KCNG2: variants seen among roughly 807,000 people sequenced by gnomAD.
KCNG2 encodes potassium voltage-gated channel modifier subfamily G member 2.
Under a neutral mutation model 12.3 loss-of-function variants are expected in KCNG2, and 7 were observed. That is an observed-to-expected ratio of 0.57 (90% CI 0.32 to 1.07). KCNG2 has a LOEUF of 1.07. KCNG2 is among the 50% of genes least tolerant of loss of function. The probability of loss-of-function intolerance (pLI) is 0.04; values close to 1 mark genes in which losing one functional copy is unlikely to be tolerated. For missense variants in KCNG2, 703 were observed against 726.0 expected, an observed-to-expected ratio of 0.97 and a Z score of 0.36; for synonymous variants, 414 against 351.4, an observed-to-expected ratio of 1.18 and a Z score of -1.99.
intron 1 of KCNG2, among the ~76,000 whole-genome samples, chr18:79,806,539 A>G (rs906341539): frequency 1.3e-5 from 2 of 151,542 alleles, no homozygotes; most frequent in African/African-American, 2.4e-5. Flanking sequence ...GCTTCAGTTA[A>G]CTCCAGCCAG....
chr18:79,894,747 T>C (rs371661301), intron 3 of KCNG2, among the ~76,000 whole-genome samples: 29 of 123,006 alleles, frequency 2.4e-4, no homozygotes, highest in African/African-American at 7.8e-4. Flanking sequence ...TCTAATGTTA[T>C]GATTGATATA....
intron 3 of KCNG2, among the ~76,000 whole-genome samples, chr18:79,897,315 A>G (rs757958424): frequency 2.0e-5 from 3 of 152,114 alleles, no homozygotes; most frequent in South Asian, 4.1e-4. Flanking sequence ...CATGTTTACT[A>G]ATTCTTTTCT....
At chr18:79,830,070 C>A (rs944915482) in intron 1 of KCNG2, among the ~76,000 whole-genome samples, 3 of 152,138 alleles carry the variant, frequency 2.0e-5, no homozygotes, top group Non-Finnish European at 4.4e-5. Flanking sequence ...AAAGTGTTCC[C>A]CCTGAAGTAG....
At chr18:79,868,297 G>T (rs1246206504) in intron 3 of KCNG2, among the ~76,000 whole-genome samples, 1 of 152,158 alleles carries the variant, frequency 6.6e-6, no homozygotes, top group Non-Finnish European at 1.5e-5. Flanking sequence ...TGCTTGTCCA[G>T]TTAAGAAGCA....
At chr18:79,823,215 G>A (rs113477446) in intron 1 of KCNG2, among the ~76,000 whole-genome samples, 16 of 152,316 alleles carry the variant, frequency 1.1e-4, no homozygotes, top group African/African-American at 3.6e-4. Context: ...TCCGGCACGT[G>A]CCCCACCGTG....
intron 3 of KCNG2, among the ~76,000 whole-genome samples, chr18:79,877,945 T>C (rs935506790): frequency 2.0e-5 from 3 of 152,250 alleles, no homozygotes; most frequent in Admixed American, 6.5e-5. Context: ...CCGGGCTGCA[T>C]GCCCATTCCG....
chr18:79,818,186 C>A (rs1433522864), intron 1 of KCNG2, among the ~76,000 whole-genome samples: 3 of 152,210 alleles, frequency 2.0e-5, no homozygotes, highest in Non-Finnish European at 4.4e-5. Context: ...CCGGGAGAGG[C>A]AATGCGATCT....
At chr18:79,871,757 G>C (rs545560904) in intron 3 of KCNG2, among the ~76,000 whole-genome samples, 1 of 152,352 alleles carries the variant, frequency 6.6e-6, no homozygotes, top group South Asian at 2.1e-4. Flanking sequence ...TGGCCTGGAC[G>C]TCTGCGGTGC....
intron 1 of KCNG2, among the ~76,000 whole-genome samples, chr18:79,843,886 T>G (rs1470185723): frequency 1.3e-5 from 2 of 152,166 alleles, no homozygotes; most frequent in African/African-American, 4.8e-5. Context: ...CTATCAATAA[T>G]TACTTTAAAT....
intron 1 of KCNG2, among the ~76,000 whole-genome samples, chr18:79,817,485 G>A (rs976047488): frequency 6.7e-6 from 1 of 149,184 alleles, no homozygotes; most frequent in South Asian, 2.1e-4. Context: ...TGTCACACAC[G>A]TGTCACACAC....
intron 2 of KCNG2, among the ~76,000 whole-genome samples, chr18:79,857,228 A>C (rs1466124641): frequency 3.3e-5 from 5 of 149,494 alleles, no homozygotes. Context: ...GGCACACATA[A>C]CCATTTGAAT....
intron 1 of KCNG2, among the ~76,000 whole-genome samples, chr18:79,827,261 CA>C (rs1190890900): frequency 6.6e-6 from 1 of 152,250 alleles, no homozygotes; most frequent in African/African-American, 2.4e-5. Context: ...CCGGAGCCCC[CA>C]GGGCAGGAGA....
chr18:79,898,468 G>T (rs55836638), intron 3 of KCNG2, among the ~76,000 whole-genome samples: 1 of 152,188 alleles, frequency 6.6e-6, no homozygotes, highest in South Asian at 2.1e-4. Context: ...CCCCTCCACC[G>T]GACTCCCCAA....
chr18:79,802,995 A>G (rs528051989), intron 1 of KCNG2, among the ~76,000 whole-genome samples: 1 of 152,316 alleles, frequency 6.6e-6, no homozygotes, highest in African/African-American at 2.4e-5. Flanking sequence ...CCTGGTCAAC[A>G]TGGTGAAACC....
chr18:79,840,457 A>G (rs1235692210), intron 1 of KCNG2, among the ~76,000 whole-genome samples: 1 of 152,226 alleles, frequency 6.6e-6, no homozygotes, highest in Admixed American at 6.5e-5. Context: ...AATAAAAGAA[A>G]TAATCTAAAT....
chr18:79,888,506 G>A (rs12964935), intron 3 of KCNG2, among the ~76,000 whole-genome samples: 17 of 145,902 alleles, frequency 1.2e-4, no homozygotes, highest in African/African-American at 4.0e-4. Context: ...ATGAGGCCGC[G>A]GTGGGGCCGG....
rs528291918 is a variant in KCNG2, at chr18:79,884,078, G to A, written c.625-14962G>A. Among the ~76,000 whole-genome samples the A allele has an allele frequency of 6.5e-4, 91 of 139,490 alleles. 2 individuals carry two copies. Among genetic ancestry groups the A allele is most frequent in the Admixed American group, 3.1e-4 (4 of 12,984 alleles). 91.5% of individuals were successfully genotyped at this position (139,490 alleles called of 152,430 possible). ...ATCTTTTCTTCTCCCAGTGCCTCCC[G>A]GAGGCTGGGCCCTCTTCTCCCACCA... is the stretch of plus-strand genomic sequence containing the variant. On this transcript the variant is annotated intron_variant, in intron 3 of 3. Transcript: ENST00000316249. The surrounding 1 kb of genome is among the most constrained non-coding windows in gnomAD (Gnocchi z 5.5).
intron 1 of KCNG2, among the ~76,000 whole-genome samples, chr18:79,849,474 G>T (rs1003410018): frequency 2.0e-5 from 3 of 152,228 alleles, no homozygotes; most frequent in Admixed American, 1.3e-4. Context: ...TCCGGGGCAA[G>T]GTCGTCCGCG....
At chr18:79,813,226 T>C (rs2087505607) in intron 1 of KCNG2, among the ~76,000 whole-genome samples, 1 of 152,146 alleles carries the variant, frequency 6.6e-6, no homozygotes. Flanking sequence ...CGAATTCACA[T>C]GCAGAACCCT....
Sources: allele counts gnomAD v4.1 joint callset (sites outside exome capture counted in the v4.1 genomes callset), GRCh38; gene constraint gnomAD v4.1.1; non-coding constraint Gnocchi (gnomAD v3.1); transcripts MANE v1.5; gene names NCBI Gene and HGNC (gene_info 2026-07-23, HGNC 2026-07-21).